GBF1: variants seen among roughly 807,000 people sequenced by gnomAD.
GBF1 encodes the protein golgi brefeldin A resistant guanine nucleotide exchange factor 1.
In GBF1, 114 loss-of-function variants were observed where a neutral mutation model predicts 210.5. The ratio of observed to expected loss-of-function variants is 0.54; its 90% CI spans 0.47 to 0.63. The LOEUF (loss-of-function observed/expected upper bound fraction) is 0.63, where lower values mean the gene tolerates loss of function less well. Ranked by LOEUF, GBF1 falls within the 30% of genes least tolerant of loss-of-function variation. GBF1 has a pLI of 0.00. For missense variants in GBF1, 1,851 were observed against 2,357.7 expected (o/e 0.79, Z 4.45); for synonymous variants, 850 against 889.2 (o/e 0.96, Z 0.78).
At chr10:102,259,957 T>C (rs1218882220) in intron 2 of GBF1, 93 bp from the exon 3 acceptor site, 3 of 698,162 alleles carry the variant, frequency 4.3e-6, no homozygotes, top group Non-Finnish European at 7.7e-6. Context: ...GATTTTCTGA[T>C]TGGATTCATA....
chr10:102,318,959 T>C (rs138505789), intron 3 of GBF1, among the ~76,000 whole-genome samples: 2,233 of 152,292 alleles, frequency 0.015, 27 homozygotes, highest in Middle Eastern at 0.027. Flanking sequence ...CAGTGGCTCA[T>C]GCCTGTAATC....
At chr10:102,337,198 G>A (rs922647327) in intron 3 of GBF1, among the ~76,000 whole-genome samples, 2 of 151,748 alleles carry the variant, frequency 1.3e-5, no homozygotes, top group African/African-American at 2.4e-5. Context: ...CTAACGCGGC[G>A]AAACCCCATC....
At chr10:102,367,712 G>A in intron 21 of GBF1, 152 bp downstream of exon 21, 1 of 641,094 alleles carries the variant, frequency 1.6e-6, no homozygotes, top group Non-Finnish European at 2.8e-6. Context: ...TCTGCCAACT[G>A]TTTCTTCCTT....
intron 33 of GBF1, 62 bp from the exon 34 acceptor site, chr10:102,379,222 A>AG: frequency 6.7e-7 from 1 of 1,500,992 alleles, no homozygotes; most frequent in East Asian, 2.3e-5. Context: ...GTGAGTGGGG[A>AG]GGGGGAAAGG....
At chr10:102,330,781 GAGGGTGGTAGAT>G (rs1220559439) in intron 3 of GBF1, among the ~76,000 whole-genome samples, 7 of 152,186 alleles carry the variant, frequency 4.6e-5, no homozygotes, top group African/African-American at 1.7e-4. Flanking sequence ...GGATTCTTGT[GAGGGTGGTAGAT>G]AGCAGCTCCT....
At chr10:102,245,387 C>G (rs964917765), upstream of GBF1, 1 of 152,174 alleles carries the variant, frequency 6.6e-6, no homozygotes, top group African/African-American at 2.4e-5. Flanking sequence ...TGTAATCGCG[C>G]TTCTTTAGGC....
In GBF1 at chr10:102,363,204, T is replaced by C. The variant is rs2059709322; in HGVS notation, c.1877-52T>C. The C allele has an allele frequency of 2.0e-6, 3 of 1,530,158 alleles. No individual in the cohort carries two copies. Among genetic ancestry groups the C allele is most frequent in the Non-Finnish European group, 2.7e-6 (3 of 1,128,144 alleles). The allele number at this position is 1,530,158 out of a possible 1,614,324, so 94.8% of individuals were successfully genotyped here. ...TGGGATTTGATCTATCCTGCAGCTC[T>C]GCTTGGCTTCATACCCTATAAGTCT... is the stretch of plus-strand genomic sequence containing the variant. On this transcript the variant is annotated intron_variant, in intron 15 of 39. Coordinates refer to ENST00000369983, the MANE Select transcript of GBF1 (RefSeq NM_001377137.1). The surrounding 1 kb of genome is among the most constrained non-coding windows in gnomAD (Gnocchi z 4.2).
rs2060909234 is a variant in GBF1 at position 102,382,339 on chromosome 10, C to T, written c.*3C>T. On this transcript the variant is annotated 3_prime_UTR_variant, in exon 40 of 40. Transcript: ENST00000369983. Reference sequence around the variant, plus strand: ...TACCCACCTCTGAGGTCAACTAAGGCAGGTCACTCAGAGATCAGGACCAGT... The same window carrying T: ...TACCCACCTCTGAGGTCAACTAAGGTAGGTCACTCAGAGATCAGGACCAGT... The T allele has an allele frequency of 3.1e-6, 5 of 1,600,172 alleles. No homozygotes were observed. Among genetic ancestry groups the T allele is most frequent in the East Asian group, 4.5e-5 (2 of 44,510 alleles).
In GBF1 at chr10:102,368,746, G is replaced by T. The variant is rs147884416; in HGVS notation, c.2887G>T (p.Ala963Ser). The change falls in exon 23 of 40, where the codon GCC becomes TCC. Residue 963 changes from alanine to serine, a missense_variant. Transcript: ENST00000369983. Reference sequence around the variant, plus strand: ...TGGGGGGTAACATTACAGGAAGTGCGCCATGATCTCCGCCCACTATGGCCT... The same window carrying T: ...TGGGGGGTAACATTACAGGAAGTGCTCCATGATCTCCGCCCACTATGGCCT... ...QKAISGFRKC[A>S]MISAHYGLSD... 6.2e-7 allele frequency: 1 copy of T among 1,611,082 alleles called. No homozygotes were observed. Among genetic ancestry groups the T allele is most frequent in the Admixed American group, 1.7e-5 (1 of 59,998 alleles).
intron 3 of GBF1, among the ~76,000 whole-genome samples, chr10:102,306,857 G>A (rs944272057): frequency 6.6e-6 from 1 of 152,334 alleles, no homozygotes; most frequent in South Asian, 2.1e-4. Flanking sequence ...GTTTCCTCAT[G>A]TTATCAGTCA....
At chr10:102,359,223 C>T in intron 10 of GBF1, 44 bp from the exon 11 acceptor site, 1 of 1,440,682 alleles carries the variant, frequency 6.9e-7, no homozygotes, top group Non-Finnish European at 9.8e-7. Flanking sequence ...CCAAGTTGCT[C>T]TTGCCTCATC....
chr10:102,259,002 C>T lies in GBF1; in HGVS notation c.64C>T (p.Arg22Ter), dbSNP rs780444403. ...EINIVVGAIK[R>*]NARWSTHTPL... ...TAACATTGTGGTTGGGGCCATCAAA[C>T]GAAATGCCCGATGGAGCACCCATAC... The change falls in exon 2 of 40, where the codon CGA becomes TGA. Residue 22 changes from arginine to a stop codon, truncating the protein, a stop_gained. Coordinates refer to ENST00000369983, the MANE Select transcript of GBF1 (RefSeq NM_001377137.1). LOFTEE classifies it high-confidence loss of function. 10 of 1,599,504 alleles carry T rather than the reference C, an allele frequency of 6.3e-6. No individual in the cohort carries two copies. Among genetic ancestry groups the T allele is most frequent in the Non-Finnish European group, 7.7e-6 (9 of 1,166,700 alleles).
chr10:102,361,884 T>C lies in GBF1; in HGVS notation c.1658T>C (p.Phe553Ser). ...YDCDYYCSNL[F>S]EELTKLLSKN... ...TGTGACTACTACTGTTCCAACCTCTTTGAGGAACTCACAAAGCTGCTGTCC... is the reference window on the plus strand; with the variant it reads ...TGTGACTACTACTGTTCCAACCTCTCTGAGGAACTCACAAAGCTGCTGTCC... Residue 553 changes from phenylalanine (F) to serine (S), a missense_variant, in exon 14 of 40, where the codon TTT (phenylalanine) becomes TCT (serine). Physicochemically the swap from Phe to Ser is radical, Grantham distance 155. This residue lies in a region of GBF1 where 804 missense variants were observed against 958.6 expected (regional missense o/e 0.84). Coordinates refer to ENST00000369983, the MANE Select transcript of GBF1 (RefSeq NM_001377137.1). 3.7e-6 allele frequency: 6 copies of C among 1,607,802 alleles called. No individual in the cohort carries two copies. Among genetic ancestry groups the C allele is most frequent in the Non-Finnish European group, 5.1e-6 (6 of 1,177,090 alleles).
the GBF1 span, among the ~76,000 whole-genome samples, chr10:102,234,191 C>A: frequency 6.6e-6 from 1 of 152,174 alleles, no homozygotes; most frequent in Admixed American, 6.5e-5. Flanking sequence ...CAGGGAGGTG[C>A]AGATGGGCAG....
At chr10:102,232,220 G>C in the GBF1 span, 8 of 655,606 alleles carry the variant, frequency 1.2e-5, no homozygotes, top group Middle Eastern at 2.5e-4. Context: ...CTGGGGCTGC[G>C]TGGGGCTCCT....
chr10:102,300,417 G>A (rs923644017), intron 3 of GBF1, among the ~76,000 whole-genome samples: 2 of 152,278 alleles, frequency 1.3e-5, no homozygotes, highest in African/African-American at 2.4e-5. Flanking sequence ...AGTTAAGGTC[G>A]CAGTGGCATT....
At chr10:102,371,750 G>GA (rs927126219) in intron 29 of GBF1, among the ~76,000 whole-genome samples, 1 of 152,238 alleles carries the variant, frequency 6.6e-6, no homozygotes, top group Admixed American at 6.5e-5. Context: ...CCAACATGGT[G>GA]AAACCCCATC....
At position 102,366,285 on chromosome 10, in the gene GBF1, C is replaced by T; in HGVS notation, c.2310-98C>T. 1.4e-5 allele frequency: 19 copies of T among 1,329,178 alleles called. No homozygotes were observed. The highest frequency in any genetic ancestry group is 1.7e-5 in the Non-Finnish European group (16 of 936,576). 82.3% of individuals were successfully genotyped at this position (1,329,178 alleles called of 1,614,324 possible). ...CCTTTACTAGAGACCTCAGCCTCCT[C>T]TCTTCCAGTAAGAGTAGGTTAGGAG... On this transcript the variant is annotated intron_variant, in intron 18 of 39. Coordinates refer to ENST00000369983, the MANE Select transcript of GBF1 (RefSeq NM_001377137.1). The surrounding 1 kb of genome is among the most constrained non-coding windows in gnomAD (Gnocchi z 4.0).
chr10:102,372,952 T>TTTTTTTG (rs2060292176), intron 29 of GBF1, among the ~76,000 whole-genome samples: 1 of 152,158 alleles, frequency 6.6e-6, no homozygotes, highest in African/African-American at 2.4e-5. Flanking sequence ...TCAAAAAAAG[T>TTTTTTTG]AATAATTTTT....
Sources: allele counts gnomAD v4.1 joint callset (sites outside exome capture counted in the v4.1 genomes callset), GRCh38; gene constraint gnomAD v4.1.1; regional missense constraint gnomAD v4.1.1; non-coding constraint Gnocchi (gnomAD v3.1); transcripts MANE v1.5; gene names NCBI Gene and HGNC (gene_info 2026-07-23, HGNC 2026-07-21).